The following ODR4 variants were observed in gnomAD, a reference collection of about 807,000 sequenced individuals.
ODR4 encodes odr-4 GPCR localization factor homolog.
ODR4 carries 47 observed loss-of-function variants against 60.2 expected under a neutral mutation model. The observed-to-expected ratio is 0.78, with a 90% CI of 0.62 to 1.00. ODR4 has a LOEUF of 1.00. ODR4 is among the 50% of genes least tolerant of loss of function. ODR4 has a pLI of 0.00. For synonymous variants in ODR4, 178 were observed against 175.5 expected, an observed-to-expected ratio of 1.01 and a Z score of -0.11; for missense variants, 488 against 530.8, an observed-to-expected ratio of 0.92 and a Z score of 0.79.
chr1:186,429,837 ATAAT>A, the ODR4 span, among the ~76,000 whole-genome samples: 1 of 152,186 alleles, frequency 6.6e-6, no homozygotes, highest in Admixed American at 6.5e-5. Flanking sequence ...AACCTAATAA[ATAAT>A]TATGTTGGAA....
the ODR4 span, among the ~76,000 whole-genome samples, chr1:186,428,207 T>C: frequency 5.3e-5 from 8 of 152,240 alleles, no homozygotes; most frequent in Non-Finnish European, 1.0e-4. Flanking sequence ...CTGTTTAATC[T>C]ACATTGAAAA....
At chr1:186,409,902 T>G (rs2697467) in intron 12 of ODR4, among the ~76,000 whole-genome samples, 1 of 152,228 alleles carries the variant, frequency 6.6e-6, no homozygotes, top group African/African-American at 2.4e-5. Context: ...ACTTCAGACT[T>G]GTTCAGACTA....
intron 9 of ODR4, among the ~76,000 whole-genome samples, chr1:186,397,847 G>A (rs1452759996): frequency 6.6e-6 from 1 of 152,204 alleles, no homozygotes; most frequent in Non-Finnish European, 1.5e-5. Flanking sequence ...GGTTGAAAGT[G>A]TGTAAATATA....
At chr1:186,414,247 T>TA (rs1558097803) in intron 12 of ODR4, among the ~76,000 whole-genome samples, 1 of 152,142 alleles carries the variant, frequency 6.6e-6, no homozygotes, top group South Asian at 2.1e-4. Context: ...ATGACAGATT[T>TA]AAAAATGGAA....
chr1:186,432,665 T>C, the ODR4 span, among the ~76,000 whole-genome samples: 1 of 152,202 alleles, frequency 6.6e-6, no homozygotes, highest in African/African-American at 2.4e-5. Flanking sequence ...AAGTTGCTCA[T>C]AATATTTTAT....
chr1:186,401,396 C>T (rs964576979), intron 11 of ODR4: 4 of 431,056 alleles, frequency 9.3e-6, no homozygotes, highest in South Asian at 2.4e-5. Flanking sequence ...TTGAAGTTCT[C>T]GGATTCTGTG....
intron 11 of ODR4, among the ~76,000 whole-genome samples, chr1:186,404,033 C>A (rs1661083768): frequency 1.3e-5 from 2 of 152,248 alleles, no homozygotes; most frequent in South Asian, 2.1e-4. Context: ...AAAAAAAATT[C>A]TATGAAAAAT....
At chr1:186,398,243 A>C in intron 9 of ODR4, 70 bp from the exon 10 acceptor site, 1 of 1,352,974 alleles carries the variant, frequency 7.4e-7, no homozygotes, top group Non-Finnish European at 9.8e-7. Flanking sequence ...AATCGCTAAT[A>C]TAATGTTTAA....
At position 186,419,028 on chromosome 1, in the gene ODR4, A is replaced by G. The variant is rs1661689693; in HGVS notation, c.1317A>G (p.Thr439=). ...QQNIGVIAAF[T]VAVLAAGISF... Reference sequence around the variant, plus strand: ...TTTTAGGTGTGATTGCAGCATTTACAGTTGCAGTCCTTGCTGCGGGTATCT... The same window carrying G: ...TTTTAGGTGTGATTGCAGCATTTACGGTTGCAGTCCTTGCTGCGGGTATCT... Residue 439 remains threonine, a synonymous_variant, in exon 14 of 14, where the codon ACA becomes ACG. Coordinates refer to ENST00000287859, the MANE Select transcript of ODR4 (RefSeq NM_017847.6). The G allele has an allele frequency of 6.2e-7, 1 of 1,609,534 alleles. No individual in the cohort carries two copies. Among genetic ancestry groups the G allele is most frequent in the African/African-American group, 1.3e-5 (1 of 74,918 alleles).
intron 12 of ODR4, among the ~76,000 whole-genome samples, chr1:186,413,904 C>T (rs189007804): frequency 6.6e-6 from 1 of 152,258 alleles, no homozygotes; most frequent in African/African-American, 2.4e-5. Flanking sequence ...GCATTCACAG[C>T]CCTTGTTTTC....
the ODR4 span, among the ~76,000 whole-genome samples, chr1:186,426,842 TAATC>T: frequency 1.0e-3 from 152 of 152,310 alleles, 2 homozygotes; most frequent in African/African-American, 3.6e-3. Flanking sequence ...GCTAATATCA[TAATC>T]AAGTCACAAT....
At chr1:186,406,371 T>G in intron 12 of ODR4, 103 bp downstream of exon 12, 1 of 819,424 alleles carries the variant, frequency 1.2e-6, no homozygotes, top group East Asian at 2.8e-5. Context: ...TTTTTAAAGC[T>G]AGTTCTGTTT....
rs1040736930 is a variant in ODR4, at chr1:186,399,518, C to A, written c.1000+474C>A. 1.2e-4 allele frequency among the ~76,000 whole-genome samples: 12 copies of A among 99,582 alleles called. No homozygotes were observed. The South Asian group carries it at 1.7e-3, about 14-fold the overall frequency. The allele number at this position is 99,582 out of a possible 152,430, so 65.3% of individuals were successfully genotyped here. Reference sequence around the variant, plus strand: ...GCCACCATGCTTGGCTCTAGAAAAACGTTTTAGAACACTATCAAATTTAGC... The same window carrying A: ...GCCACCATGCTTGGCTCTAGAAAAAAGTTTTAGAACACTATCAAATTTAGC... On this transcript the variant is annotated intron_variant, in intron 11 of 13. Transcript: ENST00000287859.
At chr1:186,430,899 G>C in the ODR4 span, among the ~76,000 whole-genome samples, 12 of 150,956 alleles carry the variant, frequency 7.9e-5, no homozygotes, top group African/African-American at 2.9e-4. Context: ...ACAGGTTCAG[G>C]AAAGTCATTT....
At chr1:186,402,796 T>C (rs79349202) in intron 11 of ODR4, among the ~76,000 whole-genome samples, 6,872 of 152,036 alleles carry the variant, frequency 0.045, 507 homozygotes, top group African/African-American at 0.16. Context: ...GGCTTTGTTA[T>C]GTTGTCCAGG....
chr1:186,395,283 A>G (rs1033223742), intron 9 of ODR4, among the ~76,000 whole-genome samples: 3 of 3,328 alleles, frequency 9.0e-4, no homozygotes, highest in Non-Finnish European at 1.4e-3. Context: ...TTTAGTAGAG[A>G]CGGGTTTCAC....
In ODR4 at chr1:186,390,694, C is replaced by A; in HGVS notation, c.475-17C>A. 1.2e-6 allele frequency: 2 copies of A among 1,611,914 alleles called. No individual in the cohort carries two copies. Among genetic ancestry groups the A allele is most frequent in the Non-Finnish European group, 1.7e-6 (2 of 1,178,742 alleles). ...TAGACTACATCATAGTTATTTTTCT[C>A]CCTTCTCCACTGCTAGAGTTCAGCA... On this transcript the variant is annotated splice_polypyrimidine_tract_variant and intron_variant, in intron 6 of 13. Coordinates refer to ENST00000287859, the MANE Select transcript of ODR4 (RefSeq NM_017847.6).
the ODR4 span, among the ~76,000 whole-genome samples, chr1:186,427,071 G>A: frequency 9.8e-5 from 15 of 152,296 alleles, no homozygotes; most frequent in East Asian, 2.3e-3. Context: ...TTTTGATGGT[G>A]GAAGGTTTTT....
At chr1:186,412,652 T>A (rs1000441117) in intron 12 of ODR4, among the ~76,000 whole-genome samples, 1 of 152,108 alleles carries the variant, frequency 6.6e-6, no homozygotes, top group Non-Finnish European at 1.5e-5. Flanking sequence ...ATTCACTCAT[T>A]TACTCATTTA....
Sources: allele counts gnomAD v4.1 joint callset (sites outside exome capture counted in the v4.1 genomes callset), GRCh38; gene constraint gnomAD v4.1.1; transcripts MANE v1.5; gene names NCBI Gene and HGNC (gene_info 2026-07-23, HGNC 2026-07-21).